The following MTUS1 variants were observed in gnomAD, a reference collection of about 807,000 sequenced individuals.
MTUS1 encodes the protein microtubule associated scaffold protein 1.
In MTUS1, 109 loss-of-function variants were observed where a neutral mutation model predicts 120.8. The observed-to-expected ratio is 0.90, with a 90% CI of 0.77 to 1.06. The LOEUF (loss-of-function observed/expected upper bound fraction) is 1.06, where lower values mean the gene tolerates loss of function less well. Among genes scored for constraint, MTUS1 ranks in the 50% least tolerant of loss-of-function variants. The pLI is 0.00. For missense variants in MTUS1, 2,210 were observed against 1,486.3 expected (o/e 1.49, Z -8.01); for synonymous variants, 737 against 550.5 (o/e 1.34, Z -4.74).
intron 12 of MTUS1, 134 bp from the exon 13 acceptor site, chr8:17,650,096 G>T (rs1018050682): frequency 1.5e-6 from 1 of 683,398 alleles, no homozygotes; most frequent in Non-Finnish European, 2.6e-6. Flanking sequence ...CAATTTCAAA[G>T]AAAGAGGTGA....
At chr8:17,675,001 G>A (rs1050793904) in intron 8 of MTUS1, 185 bp downstream of exon 8, 1 of 1,407,450 alleles carries the variant, frequency 7.1e-7, no homozygotes, top group Non-Finnish European at 9.2e-7. Flanking sequence ...GGAATTCTGT[G>A]AACTGAAGGT....
intron 12 of MTUS1, 55 bp from the exon 13 acceptor site, chr8:17,650,017 C>A (rs935336061): frequency 1.1e-6 from 1 of 920,800 alleles, no homozygotes; most frequent in Non-Finnish European, 1.8e-6. Context: ...AAATTCTTAA[C>A]AGAAAGAATC....
intron 6 of MTUS1, among the ~76,000 whole-genome samples, chr8:17,695,692 C>T (rs904773180): frequency 2.0e-5 from 3 of 151,988 alleles, no homozygotes; most frequent in Non-Finnish European, 2.9e-5. Context: ...TGGAATGTTA[C>T]AGAACTATTT....
rs369752876 is a variant in MTUS1 at position 17,754,713 on chromosome 8, C to T, written c.1095G>A (p.Leu365=). The change falls in exon 2 of 15, where the codon CTG becomes CTA. Residue 365 remains leucine (L), a synonymous_variant. Transcript: ENST00000693296. ...TCTCAGTGACTTTATGCTCTGGGTT[C>T]AGCACTTGAGCTTCGCTCTTATCAA... is the stretch of plus-strand genomic sequence containing the variant. The part of the protein sequence containing the change: ...PAFDKSEAQV[L]NPEHKVTETE... 2.0e-5 allele frequency: 32 copies of T among 1,614,096 alleles called. No homozygotes were observed. Among genetic ancestry groups the T allele is most frequent in the Non-Finnish European group, 2.7e-5 (32 of 1,180,048 alleles).
chr8:17,779,667 G>T (rs571093182), intron 1 of MTUS1, among the ~76,000 whole-genome samples: 2 of 152,068 alleles, frequency 1.3e-5, no homozygotes, highest in African/African-American at 4.8e-5. Flanking sequence ...CTTAAAGAAG[G>T]CCCCCTTCAC....
chr8:17,769,959 G>A (rs931953973), intron 1 of MTUS1, among the ~76,000 whole-genome samples: 3 of 150,438 alleles, frequency 2.0e-5, no homozygotes, highest in African/African-American at 4.9e-5. Flanking sequence ...ACTACAGTCA[G>A]AATCACAATG....
intron 6 of MTUS1, among the ~76,000 whole-genome samples, chr8:17,702,161 A>G (rs1322248209): frequency 6.6e-6 from 1 of 152,220 alleles, no homozygotes; most frequent in African/African-American, 2.4e-5. Context: ...CCCGGGTGGA[A>G]GGTGTTTGCT....
chr8:17,724,961 G>C (rs1263745262), intron 3 of MTUS1, among the ~76,000 whole-genome samples: 1 of 151,896 alleles, frequency 6.6e-6, no homozygotes, highest in East Asian at 1.9e-4. Flanking sequence ...TTGCTTTGTT[G>C]CCCAGGCTGG....
At chr8:17,800,191 G>C (rs2052568803) in intron 1 of MTUS1, among the ~76,000 whole-genome samples, 3 of 151,974 alleles carry the variant, frequency 2.0e-5, no homozygotes, top group African/African-American at 4.8e-5. Context: ...CCTCCCTCCT[G>C]CATTGCCTCC....
rs1156671339 is a variant in MTUS1 at position 17,743,718 on chromosome 8, G to A, written c.2173C>T (p.Pro725Ser). The change falls in exon 3 of 15, where the codon CCA (proline) becomes TCA (serine). Residue 725 changes from proline to serine, a missense_variant. Coordinates refer to ENST00000693296, the MANE Select transcript of MTUS1 (RefSeq NM_001363059.2). ...ACAGGGGGCCCCACTTTGGCTTTTGGAGCAGCTATTTGCCTCAAACCGCAG... is the reference window on the plus strand; with the variant it reads ...ACAGGGGGCCCCACTTTGGCTTTTGAAGCAGCTATTTGCCTCAAACCGCAG... ...DSCGLRQIAA[P>S]KAKVGPPVSC... 6.2e-7 allele frequency: 1 copy of A among 1,614,126 alleles called. No homozygotes were observed. Among genetic ancestry groups the A allele is most frequent in the Non-Finnish European group, 8.5e-7 (1 of 1,180,020 alleles).
At chr8:17,661,306 T>C (rs111389778) in intron 8 of MTUS1, among the ~76,000 whole-genome samples, 3,679 of 152,260 alleles carry the variant, frequency 0.024, 162 homozygotes, top group African/African-American at 0.083. Context: ...GGCTTTTCAC[T>C]TGCTTCTCTT....
Position 17,757,715 on chromosome 8 carries a change from C to A in MTUS1, c.-154-1754G>T, listed in dbSNP as rs187943361. On this transcript the variant is annotated intron_variant, in intron 1 of 14. Coordinates refer to ENST00000693296, the MANE Select transcript of MTUS1 (RefSeq NM_001363059.2). ...CTGATTTTTGTATTTTTAGTAGAGACAGGGTTTCACCACACTGGCCAGGCT... is the reference window on the plus strand; with the variant it reads ...CTGATTTTTGTATTTTTAGTAGAGAAAGGGTTTCACCACACTGGCCAGGCT... 2.6e-5 allele frequency among the ~76,000 whole-genome samples: 4 copies of A among 152,216 alleles called. No individual in the cohort carries two copies. The East Asian group carries it at 7.7e-4, about 29-fold the overall frequency.
intron 3 of MTUS1, among the ~76,000 whole-genome samples, chr8:17,724,656 A>G (rs1433475854): frequency 2.0e-5 from 3 of 152,174 alleles, no homozygotes; most frequent in Non-Finnish European, 4.4e-5. Flanking sequence ...CTGAAACTAC[A>G]TTCTCCTGAT....
intron 3 of MTUS1, among the ~76,000 whole-genome samples, chr8:17,741,816 C>G (rs2047339033): frequency 6.6e-6 from 1 of 152,174 alleles, no homozygotes; most frequent in Non-Finnish European, 1.5e-5. Flanking sequence ...CAAATTGTCC[C>G]TAGAAAGGTA....
intron 1 of MTUS1, among the ~76,000 whole-genome samples, chr8:17,779,278 C>A (rs1240852736): frequency 6.6e-6 from 1 of 152,054 alleles, no homozygotes; most frequent in Non-Finnish European, 1.5e-5. Context: ...CATAAGAAGC[C>A]CTAGTAAATG....
At chr8:17,679,847 T>C (rs1813973285) in intron 7 of MTUS1, among the ~76,000 whole-genome samples, 1 of 152,182 alleles carries the variant, frequency 6.6e-6, no homozygotes, top group Non-Finnish European at 1.5e-5. Context: ...ACACAATCAG[T>C]AAATATTTGC....
chr8:17,719,289 C>T lies in MTUS1; in HGVS notation c.2450-3388G>A, dbSNP rs1479342418. ...TTACATTATGTATATACACACAGAG[C>T]CAACATTCTGTTCATTTCTTGAATT... On this transcript the variant is annotated intron_variant, in intron 4 of 14. Transcript: ENST00000693296. Among the ~76,000 whole-genome samples, 3 of 152,318 alleles carry T rather than the reference C, an allele frequency of 2.0e-5. No individual in the cohort carries two copies. In the East Asian group the frequency reaches 5.8e-4, roughly 29 times the overall value.
intron 1 of MTUS1, among the ~76,000 whole-genome samples, chr8:17,761,916 T>C (rs1468322994): frequency 3.3e-5 from 5 of 152,198 alleles, no homozygotes; most frequent in African/African-American, 1.2e-4. Flanking sequence ...TACCTGATCT[T>C]CAACCTCCCT....
At position 17,755,231 on chromosome 8, in the gene MTUS1, T is replaced by G. The variant is rs2131344377; in HGVS notation, c.577A>C (p.Thr193Pro). ...SFHTAGSLPP[T>P]GRRSGSTSSL... Reference sequence around the variant, plus strand: ...GATGTACTTCCACTTCTCCTACCAGTTGGTGGCAGGCTTCCAGCAGTATGG... The same window carrying G: ...GATGTACTTCCACTTCTCCTACCAGGTGGTGGCAGGCTTCCAGCAGTATGG... The change falls in exon 2 of 15, where the codon ACT becomes CCT. Residue 193 changes from threonine to proline, a missense_variant. Physicochemically the swap from Thr to Pro is conservative, Grantham distance 38 (BLOSUM62 -1). Coordinates refer to ENST00000693296, the MANE Select transcript of MTUS1 (RefSeq NM_001363059.2). 6.2e-7 allele frequency: 1 copy of G among 1,614,154 alleles called. No individual in the cohort carries two copies. Among genetic ancestry groups the G allele is most frequent in the African/African-American group, 1.3e-5 (1 of 75,034 alleles).
Sources: gnomAD v4.1 joint callset for allele counts (sites outside exome capture counted in the v4.1 genomes callset) on GRCh38, gnomAD v4.1.1 for gene constraint, MANE v1.5 for transcripts, NCBI Gene and HGNC (gene_info 2026-07-23, HGNC 2026-07-21) for gene names.